SMG6: variants seen among roughly 807,000 people sequenced by gnomAD.
The protein encoded by SMG6 is SMG6 nonsense mediated mRNA decay factor.
A neutral mutation model predicts 142.2 loss-of-function variants in SMG6; 66 were observed. That is an observed-to-expected ratio of 0.46 (90% confidence interval 0.38 to 0.57). The LOEUF (loss-of-function observed/expected upper bound fraction) is 0.57. Ranked by LOEUF, SMG6 falls within the 20% of genes least tolerant of loss-of-function variation. The pLI, the probability that SMG6 is intolerant of heterozygous loss-of-function variation, is 0.00. For synonymous variants in SMG6, 779 were observed against 702.4 expected, an observed-to-expected ratio of 1.11 and a Z score of -1.72; for missense variants, 1,793 against 1,832.0, an observed-to-expected ratio of 0.98 and a Z score of 0.39.
intron 13 of SMG6, among the ~76,000 whole-genome samples, chr17:2,106,415 T>C (rs1389030066): frequency 6.6e-6 from 1 of 152,036 alleles, no homozygotes; most frequent in East Asian, 1.9e-4. Context: ...CTCTGCTTAC[T>C]GGGGGAAAAG....
intron 15 of SMG6, among the ~76,000 whole-genome samples, chr17:2,069,265 G>A (rs1038866627): frequency 6.6e-6 from 1 of 152,146 alleles, no homozygotes; most frequent in African/African-American, 2.4e-5. Flanking sequence ...AGATATGAAA[G>A]TGGTTTCACA....
intron 13 of SMG6, among the ~76,000 whole-genome samples, chr17:2,157,252 A>C (rs890436897): frequency 1.3e-5 from 2 of 152,222 alleles, no homozygotes; most frequent in Non-Finnish European, 2.9e-5. Context: ...GACTCCCAGG[A>C]GAACAGTGAC....
intron 9 of SMG6, among the ~76,000 whole-genome samples, chr17:2,238,210 C>G (rs2073714992): frequency 6.6e-6 from 1 of 152,170 alleles, no homozygotes; most frequent in African/African-American, 2.4e-5. Context: ...GAAGTCGTGC[C>G]ACAGTTATGG....
At chr17:2,184,606 G>C (rs2071913050) in intron 12 of SMG6, among the ~76,000 whole-genome samples, 1 of 145,758 alleles carries the variant, frequency 6.9e-6, no homozygotes, top group South Asian at 2.2e-4. Flanking sequence ...GCAGTGAGCT[G>C]AGGTCGCGCC....
At chr17:2,104,108 C>T (rs1224470458) in intron 13 of SMG6, among the ~76,000 whole-genome samples, 2 of 152,082 alleles carry the variant, frequency 1.3e-5, no homozygotes, top group African/African-American at 2.4e-5. Flanking sequence ...CCCACCACCT[C>T]GCCCGGCTAA....
chr17:2,185,933 G>A (rs908763327), intron 12 of SMG6, among the ~76,000 whole-genome samples: 1 of 152,124 alleles, frequency 6.6e-6, no homozygotes, highest in Non-Finnish European at 1.5e-5. Context: ...GAGCCTTAAA[G>A]ATGCAGAGAA....
At chr17:2,253,145 T>TTATG (rs2074085855) in intron 8 of SMG6, among the ~76,000 whole-genome samples, 1 of 150,138 alleles carries the variant, frequency 6.7e-6, no homozygotes, top group Non-Finnish European at 1.5e-5. Flanking sequence ...ATTTATTTAT[T>TTATG]TATTTATTTA....
rs1429151268 is a variant in SMG6, at chr17:2,085,130, ACACACACACACAGACGCG to A, written c.3534+577_3534+594del. 6.6e-6 allele frequency among the ~76,000 whole-genome samples: 1 copy of A among 151,820 alleles called. No homozygotes were observed. The highest frequency in any genetic ancestry group is 1.5e-5 in the Non-Finnish European group (1 of 67,916). On this transcript the variant is annotated intron_variant, in intron 14 of 18. Coordinates refer to ENST00000263073, the MANE Select transcript of SMG6 (RefSeq NM_017575.5). This position sits in a 1 kb window ranked among gnomAD's most constrained non-coding sequence, Gnocchi z 4.1. Reference sequence around the variant, plus strand: ...CTCATGCATGTGCATGCGCGTGCGCACACACACACACAGACGCGCACACACACACACAGACACACACAC... The same window carrying A: ...CTCATGCATGTGCATGCGCGTGCGCACACACACACACACAGACACACACAC...
At chr17:2,113,861 C>T (rs1376068122) in intron 13 of SMG6, among the ~76,000 whole-genome samples, 2 of 152,216 alleles carry the variant, frequency 1.3e-5, no homozygotes, top group Non-Finnish European at 2.9e-5. Context: ...AAGTAACAAA[C>T]CCATGCATAT....
At chr17:2,102,086 G>A (rs1244687637) in intron 13 of SMG6, among the ~76,000 whole-genome samples, 5 of 152,196 alleles carry the variant, frequency 3.3e-5, no homozygotes, top group Non-Finnish European at 7.3e-5. Flanking sequence ...CTAGTGGAAC[G>A]ACAGTGTCGT....
chr17:2,225,459 C>T (rs1250554418), intron 10 of SMG6, among the ~76,000 whole-genome samples: 1 of 152,028 alleles, frequency 6.6e-6, no homozygotes, highest in Non-Finnish European at 1.5e-5. Flanking sequence ...GCCAACACTG[C>T]ACCACTGCAC....
At chr17:2,156,340 G>A (rs1316337575) in intron 13 of SMG6, among the ~76,000 whole-genome samples, 4 of 129,338 alleles carry the variant, frequency 3.1e-5, no homozygotes, top group Non-Finnish European at 6.2e-5. Context: ...GATGAAGTGA[G>A]CTGAGATTGC....
At chr17:2,222,394 T>C (rs1016499063) in intron 10 of SMG6, among the ~76,000 whole-genome samples, 1 of 151,652 alleles carries the variant, frequency 6.6e-6, no homozygotes, top group Non-Finnish European at 1.5e-5. Flanking sequence ...ATGCAGAACA[T>C]TCCAAACAGA....
chr17:2,061,520 G>T lies in SMG6; in HGVS notation c.4232C>A (p.Ala1411Asp), dbSNP rs1461055989. 6.3e-7 allele frequency: 1 copy of T among 1,575,348 alleles called. No individual in the cohort carries two copies. Among genetic ancestry groups the T allele is most frequent in the Non-Finnish European group, 8.6e-7 (1 of 1,160,618 alleles). The change falls in exon 19 of 19, where the codon GCC becomes GAC. Residue 1411 changes from alanine to aspartate, a missense_variant. Coordinates refer to ENST00000263073, the MANE Select transcript of SMG6 (RefSeq NM_017575.5). ...GCCCACCTGGGCCCACGTGAGGAAG[G>T]CTGGGATGTCCCGTACAGGAACATT... The part of the protein sequence containing the change: ...TRNVPVRDIP[A>D]FLTWAQVG
At chr17:2,234,654 G>C (rs891875998) in intron 10 of SMG6, among the ~76,000 whole-genome samples, 5 of 151,978 alleles carry the variant, frequency 3.3e-5, no homozygotes, top group Non-Finnish European at 5.9e-5. Context: ...CCTTTCCATG[G>C]AATAGAAGCT....
chr17:2,273,625 T>C (rs2074586997), intron 8 of SMG6, among the ~76,000 whole-genome samples: 1 of 152,044 alleles, frequency 6.6e-6, no homozygotes, highest in Non-Finnish European at 1.5e-5. Flanking sequence ...AGTGTGAGAC[T>C]TTGTCTCAAA....
At chr17:2,283,799 C>G (rs2074844934) in intron 6 of SMG6, 64 bp from the exon 7 acceptor site, 3 of 1,302,270 alleles carry the variant, frequency 2.3e-6, no homozygotes, top group Admixed American at 3.4e-5. Context: ...CAAGAGGCAG[C>G]TGACTCAGGA....
chr17:2,217,091 C>A (rs1025856183), intron 10 of SMG6, among the ~76,000 whole-genome samples: 7 of 152,134 alleles, frequency 4.6e-5, no homozygotes, highest in African/African-American at 1.7e-4. Context: ...ATTCCATCCA[C>A]AAGGTACTGG....
intron 1 of SMG6, among the ~76,000 whole-genome samples, 174 bp from the exon 2 acceptor site, chr17:2,300,838 C>G (rs183266927): frequency 1.8e-3 from 277 of 152,320 alleles, no homozygotes; most frequent in African/African-American, 6.5e-3. Flanking sequence ...AGCAGAAATT[C>G]TGGGTTTACA....
Sources: gnomAD v4.1 joint callset for allele counts (sites outside exome capture counted in the v4.1 genomes callset) on GRCh38, gnomAD v4.1.1 for gene constraint, Gnocchi (gnomAD v3.1) non-coding constraint, MANE v1.5 for transcripts, NCBI Gene and HGNC (gene_info 2026-07-23, HGNC 2026-07-21) for gene names.